GPR4: variants seen among roughly 807,000 people sequenced by gnomAD.
The protein encoded by GPR4 is G protein-coupled receptor 4.
In GPR4, 11 loss-of-function variants were observed where a neutral mutation model predicts 17.8. The ratio of observed to expected loss-of-function variants is 0.62; its 90% CI spans 0.39 to 1.02. The LOEUF (loss-of-function observed/expected upper bound fraction) is 1.02, where lower values mean the gene tolerates loss of function less well. Ranked by LOEUF, GPR4 falls within the 50% of genes least tolerant of loss-of-function variation. The pLI is 0.00. For synonymous variants in GPR4, 219 were observed against 222.8 expected (o/e 0.98, Z 0.15); for missense variants, 364 against 495.4 (o/e 0.73, Z 2.52).
chr19:45,597,043 A>G (rs1970064968), intron 1 of GPR4, among the ~76,000 whole-genome samples: 1 of 149,046 alleles, frequency 6.7e-6, no homozygotes, highest in African/African-American at 2.5e-5. Flanking sequence ...AAACCTTTGC[A>G]CACTTACCAT....
At position 45,591,582 on chromosome 19, in the gene GPR4, G is replaced by A; in HGVS notation, c.285C>T (p.Phe95=). The part of the protein sequence containing the change: ...HGPGSCKLFG[F]IFYTNIYISI... ...TGATGTAGATATTGGTGTAGAAGAT[G>A]AACCCAAAGAGCTTGCAGGACCCGG... Residue 95 remains phenylalanine (F), a synonymous_variant, in exon 2 of 2, where the codon TTC becomes TTT. Coordinates refer to ENST00000323040, the MANE Select transcript of GPR4 (RefSeq NM_005282.3). This position sits in a 1 kb window ranked among gnomAD's most constrained non-coding sequence, Gnocchi z 7.6. 1 of 1,614,032 alleles carries A rather than the reference G, an allele frequency of 6.2e-7. No homozygotes were observed. Among genetic ancestry groups the A allele is most frequent in the Non-Finnish European group, 8.5e-7 (1 of 1,180,010 alleles).
intron 1 of GPR4, among the ~76,000 whole-genome samples, chr19:45,595,680 G>A (rs1409517459): frequency 6.6e-6 from 1 of 151,904 alleles, no homozygotes; most frequent in African/African-American, 2.4e-5. Context: ...GGCAGCTTCA[G>A]GAGCCATTCC....
chr19:45,594,078 A>G (rs865821903), intron 1 of GPR4, among the ~76,000 whole-genome samples: 2 of 74,608 alleles, frequency 2.7e-5, no homozygotes, highest in Non-Finnish European at 4.6e-5. Context: ...ATATATATAT[A>G]TATATATATA....
intron 1 of GPR4, among the ~76,000 whole-genome samples, chr19:45,597,132 G>T (rs1457038431): frequency 2.0e-5 from 3 of 151,600 alleles, no homozygotes; most frequent in African/African-American, 7.3e-5. Flanking sequence ...GCAGTGGCAC[G>T]ATCTCGGCTC....
intron 1 of GPR4, among the ~76,000 whole-genome samples, chr19:45,597,274 G>A (rs1031940164): frequency 6.6e-5 from 10 of 152,032 alleles, no homozygotes; most frequent in African/African-American, 2.4e-4. Context: ...TTACCATGTT[G>A]GCCAGGTTGG....
chr19:45,600,745 C>A (rs753971436), intron 1 of GPR4, among the ~76,000 whole-genome samples: 1 of 152,122 alleles, frequency 6.6e-6, no homozygotes, highest in Non-Finnish European at 1.5e-5. Flanking sequence ...TAGGTGGCTC[C>A]GCAAACCCTT....
chr19:45,596,060 C>T (rs1970054920), intron 1 of GPR4, among the ~76,000 whole-genome samples: 1 of 152,218 alleles, frequency 6.6e-6, no homozygotes, highest in Admixed American at 6.5e-5. Context: ...CAAACGCCTG[C>T]CACTGTCCAC....
Position 45,592,520 on chromosome 19 carries a change from G to C in GPR4, c.-654C>G, listed in dbSNP as rs192129765. On this transcript the variant is annotated 5_prime_UTR_variant, in exon 2 of 2. Coordinates refer to ENST00000323040, the MANE Select transcript of GPR4 (RefSeq NM_005282.3). ...CAGGGTGGACAAAGATAAAAGGCTC[G>C]GTCTGTGGACGGCAGGAAGGAGTCT... is the stretch of plus-strand genomic sequence containing the variant. 6.0e-6 allele frequency: 1 copy of C among 167,312 alleles called. No homozygotes were observed. Among genetic ancestry groups the C allele is most frequent in the African/African-American group, 2.4e-5 (1 of 41,386 alleles). The allele number at this position is 167,312 out of a possible 1,614,324, so 10.4% of individuals were successfully genotyped here.
In GPR4 at chr19:45,591,672, C is replaced by T; in HGVS notation, c.195G>A (p.Leu65=). 6.2e-7 allele frequency: 1 copy of T among 1,613,982 alleles called. No individual in the cohort carries two copies. Among genetic ancestry groups the T allele is most frequent in the Non-Finnish European group, 8.5e-7 (1 of 1,179,854 alleles). The change falls in exon 2 of 2, where the codon CTG becomes CTA. Residue 65 remains leucine (L), a synonymous_variant. Transcript: ENST00000323040. This position sits in a 1 kb window ranked among gnomAD's most constrained non-coding sequence, Gnocchi z 7.6. ...CCCACAGCGGCAGCGTGCAGATGTA[C>T]AGCAGGTCGGCGATGCTGAGGTTCA... The part of the protein sequence containing the change: ...YLMNLSIADL[L]YICTLPLWVD...
chr19:45,594,734 G>GC lies in GPR4; in HGVS notation c.-831-2038dup, dbSNP rs1970039876. On this transcript the variant is annotated intron_variant, in intron 1 of 1. Coordinates refer to ENST00000323040, the MANE Select transcript of GPR4 (RefSeq NM_005282.3). The stretch of plus-strand genomic sequence containing the variant: ...ACAGTGGCTCATGCCTGTAATCCCA[G>GC]CACTTTGGGAGGCCAAGGCGGGAGG... Among the ~76,000 whole-genome samples the GC allele has an allele frequency of 2.8e-5, 4 of 144,340 alleles. 1 individual carries two copies. Among genetic ancestry groups the GC allele is most frequent in the East Asian group, 4.2e-4 (2 of 4,760 alleles). The allele number at this position is 144,340 out of a possible 152,430, so 94.7% of individuals were successfully genotyped here.
intron 1 of GPR4, among the ~76,000 whole-genome samples, chr19:45,597,752 A>T (rs1256559280): frequency 6.6e-6 from 1 of 151,612 alleles, no homozygotes; most frequent in Non-Finnish European, 1.5e-5. Context: ...CATGGGGAGG[A>T]GGGGGAAGGG....
intron 1 of GPR4, among the ~76,000 whole-genome samples, chr19:45,596,042 G>A (rs911016133): frequency 2.6e-5 from 4 of 152,060 alleles, no homozygotes; most frequent in Admixed American, 6.6e-5. Flanking sequence ...ATCTGTGTGC[G>A]TCTCTCTCAA....
chr19:45,595,318 A>C (rs1215195692), intron 1 of GPR4, among the ~76,000 whole-genome samples: 2 of 64,656 alleles, frequency 3.1e-5, no homozygotes, highest in Admixed American at 3.4e-4. Context: ...TAAATAAATA[A>C]AAAATAACTG....
chr19:45,596,728 G>A (rs1281927830), intron 1 of GPR4, among the ~76,000 whole-genome samples: 1 of 151,252 alleles, frequency 6.6e-6, no homozygotes, highest in Non-Finnish European at 1.5e-5. Context: ...TATTTTTTGT[G>A]GAGATGGGGT....
chr19:45,590,571 A>T lies in GPR4; in HGVS notation c.*207T>A. On this transcript the variant is annotated 3_prime_UTR_variant, in exon 2 of 2. Coordinates refer to ENST00000323040, the MANE Select transcript of GPR4 (RefSeq NM_005282.3). ...AATATATTTACTCATCTCCTCCTTC[A>T]GGAGGCCCTCCACAATCGCCAAACT... is the stretch of plus-strand genomic sequence containing the variant. 1 of 544,752 alleles carries T rather than the reference A, an allele frequency of 1.8e-6. No individual in the cohort carries two copies. The highest frequency in any genetic ancestry group is 3.1e-6 in the Non-Finnish European group (1 of 317,956). The allele number at this position is 544,752 out of a possible 1,614,324, so 33.7% of individuals were successfully genotyped here.
chr19:45,597,832 T>C (rs148632638), intron 1 of GPR4, among the ~76,000 whole-genome samples: 48 of 152,258 alleles, frequency 3.2e-4, no homozygotes, highest in Middle Eastern at 3.4e-3. Context: ...ATCTATCCGC[T>C]TCTTAATTGA....
Position 45,591,644 on chromosome 19 carries a change from C to T in GPR4, c.223G>A (p.Asp75Asn). Residue 75 changes from aspartate to asparagine, a missense_variant, in exon 2 of 2, where the codon GAC becomes AAC. Physicochemically the swap from Asp to Asn is conservative, Grantham distance 23 (BLOSUM62 1). Transcript: ENST00000323040. This position sits in a 1 kb window ranked among gnomAD's most constrained non-coding sequence, Gnocchi z 7.6. ...CAGTTGTCGTGGTGCAGGAAGTAGT[C>T]CACCCACAGCGGCAGCGTGCAGATG... ...LYICTLPLWV[D>N]YFLHHDNWIH... The T allele has an allele frequency of 6.2e-7, 1 of 1,614,046 alleles. No individual in the cohort carries two copies. The highest frequency in any genetic ancestry group is 8.5e-7 in the Non-Finnish European group (1 of 1,179,946).
intron 1 of GPR4, among the ~76,000 whole-genome samples, chr19:45,598,925 C>T (rs1264695974): frequency 2.0e-5 from 3 of 152,170 alleles, no homozygotes; most frequent in Admixed American, 6.5e-5. Context: ...CTAGAAGATA[C>T]GACCTTCTCC....
chr19:45,591,612 G>A lies in GPR4; in HGVS notation c.255C>T (p.His85=), dbSNP rs778435866. 10 of 1,614,106 alleles carry A rather than the reference G, an allele frequency of 6.2e-6. No individual in the cohort carries two copies. In the East Asian group the frequency reaches 6.7e-5, roughly 11 times the overall value. Residue 85 remains histidine (H), a synonymous_variant, in exon 2 of 2, where the codon CAC becomes CAT. Transcript: ENST00000323040. The surrounding 1 kb of genome is among the most constrained non-coding windows in gnomAD (Gnocchi z 7.6). ...CAAAGAGCTTGCAGGACCCGGGGCC[G>A]TGGATCCAGTTGTCGTGGTGCAGGA... ...DYFLHHDNWI[H]GPGSCKLFGF...
Sources: allele counts gnomAD v4.1 joint callset (sites outside exome capture counted in the v4.1 genomes callset), GRCh38; gene constraint gnomAD v4.1.1; non-coding constraint Gnocchi (gnomAD v3.1); transcripts MANE v1.5; gene names NCBI Gene and HGNC (gene_info 2026-07-23, HGNC 2026-07-21).